The following LY6G6F variants were observed in gnomAD, a reference collection of about 807,000 sequenced individuals.
LY6G6F encodes lymphocyte antigen 6 complex locus protein G6f.
Under a neutral mutation model 33.0 loss-of-function variants are expected in LY6G6F, and 26 were observed. The ratio of observed to expected loss-of-function variants is 0.79; its 90% confidence interval spans 0.58 to 1.09. LY6G6F has a LOEUF of 1.09. Ranked by LOEUF, LY6G6F falls within the 50% of genes least tolerant of loss-of-function variation. The pLI is 0.00. For missense variants in LY6G6F, 317 were observed against 372.0 expected (o/e 0.85, Z 1.22); for synonymous variants, 132 against 148.1 (o/e 0.89, Z 0.79).
intron 3 of LY6G6F, 145 bp from the exon 4 acceptor site, chr6:31,709,881 T>C: frequency 1.2e-6 from 1 of 810,010 alleles, no homozygotes; most frequent in Non-Finnish European, 1.9e-6. Context: ...CAGAGTAGGG[T>C]GGAGGATATT....
rs775215607 is a variant in LY6G6F at position 31,710,013 on chromosome 6, G to T, written c.647-13G>T. The T allele has an allele frequency of 1.2e-6, 2 of 1,609,090 alleles. No homozygotes were observed. The highest frequency in any genetic ancestry group is 1.7e-6 in the Non-Finnish European group (2 of 1,177,732). ...ACCTCCCTCCCATCCCTCTGGTCTG[G>T]CCCTTACTACAGCCTCCATCGATGC... On this transcript the variant is annotated splice_polypyrimidine_tract_variant and intron_variant, in intron 3 of 5. Coordinates refer to ENST00000375832, the MANE Select transcript of LY6G6F (RefSeq NM_001003693.3). This position sits in a 1 kb window ranked among gnomAD's most constrained non-coding sequence, Gnocchi z 4.7.
Position 31,707,769 on chromosome 6 carries a change from G to A in LY6G6F, c.364G>A (p.Asp122Asn), listed in dbSNP as rs1252917878. 5.0e-6 allele frequency: 8 copies of A among 1,612,960 alleles called. No homozygotes were observed. In the Admixed American group the frequency reaches 6.7e-5, roughly 13 times the overall value. Residue 122 changes from aspartate (D) to asparagine (N), a missense_variant, in exon 2 of 6, where the codon GAC (aspartate) becomes AAC (asparagine). Asp to Asn is a conservative substitution (Grantham distance 23, BLOSUM62 1). Transcript: ENST00000375832. The surrounding 1 kb of genome is among the most constrained non-coding windows in gnomAD (Gnocchi z 4.1). ...HHNYQNWRVYDVLVLKGSQLS... is the reference protein window; with the variant it reads ...HHNYQNWRVYNVLVLKGSQLS... ...CAACTACCAGAACTGGAGGGTGTAC[G>A]ACGTCTTGGTGCTCAAAGGTGAGTG...
Position 31,707,130 on chromosome 6 carries a change from G to A in LY6G6F, c.52+172G>A, listed in dbSNP as rs1224291688. 2.0e-5 allele frequency among the ~76,000 whole-genome samples: 3 copies of A among 152,192 alleles called. No individual in the cohort carries two copies. On this transcript the variant is annotated intron_variant, in intron 1 of 5. Transcript: ENST00000375832. The surrounding 1 kb of genome is among the most constrained non-coding windows in gnomAD (Gnocchi z 4.1). ...AAGACCCAGAGGCAACGAGGGTCCA[G>A]GTTATGCAGTTTCCTTTATAAAATA...
At position 31,706,957 on chromosome 6, in the gene LY6G6F, A is replaced by C; in HGVS notation, c.51A>C (p.Ala17=). The change falls in exon 1 of 6, where the codon GCA becomes GCC. Residue 17 remains alanine (A), a splice_region_variant and synonymous_variant. Transcript: ENST00000375832. ...TCCTATGTGGAACTCCCCAGGCTGCAGGTAAGGGGCAAGAGGTACGGGATT... is the reference window on the plus strand; with the variant it reads ...TCCTATGTGGAACTCCCCAGGCTGCCGGTAAGGGGCAAGAGGTACGGGATT... ...LLFLCGTPQA[A]DNMQAIYVAL... 6.2e-7 allele frequency: 1 copy of C among 1,614,036 alleles called. No individual in the cohort carries two copies. The highest frequency in any genetic ancestry group is 8.5e-7 in the Non-Finnish European group (1 of 1,179,958).
intron 3 of LY6G6F, among the ~76,000 whole-genome samples, chr6:31,708,480 T>C (rs1346850500): frequency 1.3e-5 from 2 of 152,154 alleles, no homozygotes; most frequent in Non-Finnish European, 2.9e-5. Flanking sequence ...AGCCATCACA[T>C]CTGGCTATTT....
Position 31,710,656 on chromosome 6 carries a change from T to C in LY6G6F, c.*65T>C. On this transcript the variant is annotated 3_prime_UTR_variant, in exon 6 of 6. Coordinates refer to ENST00000375832, the MANE Select transcript of LY6G6F (RefSeq NM_001003693.3). The surrounding 1 kb of genome is among the most constrained non-coding windows in gnomAD (Gnocchi z 4.7). ...GCTGGCCATCTGGCACCTGGAAGAT[T>C]CCTCGACAACCTTAGCAAGGGGGGC... 1.2e-6 allele frequency: 2 copies of C among 1,604,950 alleles called. No homozygotes were observed. Among genetic ancestry groups the C allele is most frequent in the Non-Finnish European group, 1.7e-6 (2 of 1,172,062 alleles).
rs1269503330 is a variant in LY6G6F at position 31,710,459 on chromosome 6, G to C, written c.869+41G>C. On this transcript the variant is annotated intron_variant, in intron 5 of 5. Coordinates refer to ENST00000375832, the MANE Select transcript of LY6G6F (RefSeq NM_001003693.3). This position sits in a 1 kb window ranked among gnomAD's most constrained non-coding sequence, Gnocchi z 4.7. ...GGAACAGAGGCTTAAATCCTGGAGG[G>C]GACTGGGGATGGAGAGGAAACACGG... is the stretch of plus-strand genomic sequence containing the variant. 1.9e-6 allele frequency: 3 copies of C among 1,613,908 alleles called. No individual in the cohort carries two copies. The highest frequency in any genetic ancestry group is 1.7e-5 in the Admixed American group (1 of 60,016).
intron 3 of LY6G6F, among the ~76,000 whole-genome samples, chr6:31,709,825 C>T (rs1190524235): frequency 6.6e-6 from 1 of 152,222 alleles, no homozygotes; most frequent in African/African-American, 2.4e-5. Flanking sequence ...GCCACTGTGC[C>T]TGGCCGCCAT....
Position 31,710,314 on chromosome 6 carries a change from A to G in LY6G6F, c.803-38A>G. On this transcript the variant is annotated intron_variant, in intron 4 of 5. Coordinates refer to ENST00000375832, the MANE Select transcript of LY6G6F (RefSeq NM_001003693.3). The surrounding 1 kb of genome is among the most constrained non-coding windows in gnomAD (Gnocchi z 4.7). The stretch of plus-strand genomic sequence containing the variant: ...GAACACGGCTCTAAGTTGTCTGCTG[A>G]CTTCTCTTCTGTATCCCTGATGGCT... The G allele has an allele frequency of 6.2e-7, 1 of 1,613,168 alleles. No homozygotes were observed. Among genetic ancestry groups the G allele is most frequent in the Non-Finnish European group, 8.5e-7 (1 of 1,179,970 alleles).
At chr6:31,709,935 C>G in intron 3 of LY6G6F, 91 bp from the exon 4 acceptor site, 1 of 1,337,096 alleles carries the variant, frequency 7.5e-7, no homozygotes, top group Non-Finnish European at 1.0e-6. Context: ...AAGAGCCCAC[C>G]AGACTGTGGA....
At chr6:31,708,204 C>T (rs756126233) in intron 3 of LY6G6F, 70 bp downstream of exon 3, 12 of 1,487,842 alleles carry the variant, frequency 8.1e-6, no homozygotes, top group South Asian at 5.5e-5. Context: ...GAATTACAGG[C>T]GCCCGCCACC....
intron 3 of LY6G6F, among the ~76,000 whole-genome samples, chr6:31,709,200 G>C (rs1219086206): frequency 2.7e-5 from 4 of 149,164 alleles, no homozygotes; most frequent in Middle Eastern, 3.5e-3. Context: ...AGCCTCCTGA[G>C]TAGCTGGACT....
At chr6:31,708,783 G>A (rs1320176879) in intron 3 of LY6G6F, among the ~76,000 whole-genome samples, 2 of 152,052 alleles carry the variant, frequency 1.3e-5, no homozygotes, top group African/African-American at 2.4e-5. Context: ...AAAATTAGCC[G>A]GGTATGGTGG....
rs1437798523 is a variant in LY6G6F at position 31,707,941 on chromosome 6, C to T, written c.453C>T (p.Ser151=). ...TCCTCCTGTGCTCTGTGGTCCCCAG[C>T]AGACGCATGGACTCTGTGACCTGGC... is the stretch of plus-strand genomic sequence containing the variant. ...CNVLLCSVVP[S]RRMDSVTWQE... The change falls in exon 3 of 6, where the codon AGC becomes AGT. Residue 151 remains serine (S), a synonymous_variant. Transcript: ENST00000375832. This position sits in a 1 kb window ranked among gnomAD's most constrained non-coding sequence, Gnocchi z 4.1. 6.2e-7 allele frequency: 1 copy of T among 1,613,238 alleles called. No homozygotes were observed. The highest frequency in any genetic ancestry group is 1.1e-5 in the South Asian group (1 of 91,086).
intron 3 of LY6G6F, 72 bp downstream of exon 3, chr6:31,708,206 C>A: frequency 1.1e-5 from 16 of 1,490,068 alleles, no homozygotes; most frequent in Non-Finnish European, 1.4e-5. Context: ...ATTACAGGCG[C>A]CCGCCACCAT....
chr6:31,710,237 C>T lies in LY6G6F; in HGVS notation c.802+56C>T. 1.2e-6 allele frequency: 2 copies of T among 1,609,366 alleles called. No homozygotes were observed. The highest frequency in any genetic ancestry group is 8.5e-7 in the Non-Finnish European group (1 of 1,177,528). On this transcript the variant is annotated intron_variant, in intron 4 of 5. Coordinates refer to ENST00000375832, the MANE Select transcript of LY6G6F (RefSeq NM_001003693.3). This position sits in a 1 kb window ranked among gnomAD's most constrained non-coding sequence, Gnocchi z 4.7. Reference sequence around the variant, plus strand: ...GGGCACATGGGTGGGAGGCAAAGGGCTAGGCTCACACCCCGCCTCTGTACC... The same window carrying T: ...GGGCACATGGGTGGGAGGCAAAGGGTTAGGCTCACACCCCGCCTCTGTACC...
chr6:31,709,978 G>C, intron 3 of LY6G6F, 48 bp from the exon 4 acceptor site: 1 of 1,572,284 alleles, frequency 6.4e-7, no homozygotes, highest in African/African-American at 1.3e-5. Flanking sequence ...CAGGGACAGG[G>C]CCCCTCACTA....
At position 31,710,293 on chromosome 6, in the gene LY6G6F, A is replaced by G. The variant is rs1805940876; in HGVS notation, c.803-59A>G. The stretch of plus-strand genomic sequence containing the variant: ...TCCTCTAGGGGAGGGGGCGAGGAAC[A>G]CGGCTCTAAGTTGTCTGCTGACTTC... On this transcript the variant is annotated intron_variant, in intron 4 of 5. Transcript: ENST00000375832. The surrounding 1 kb of genome is among the most constrained non-coding windows in gnomAD (Gnocchi z 4.7). 6.2e-7 allele frequency: 1 copy of G among 1,613,068 alleles called. No homozygotes were observed. Among genetic ancestry groups the G allele is most frequent in the Admixed American group, 1.7e-5 (1 of 60,012 alleles).
At chr6:31,708,696 G>A (rs1805798283) in intron 3 of LY6G6F, among the ~76,000 whole-genome samples, 1 of 152,148 alleles carries the variant, frequency 6.6e-6, no homozygotes, top group African/African-American at 2.4e-5. Flanking sequence ...GGAGGCCGAA[G>A]CAGGCGGATC....
Sources: gnomAD v4.1 joint callset for allele counts (sites outside exome capture counted in the v4.1 genomes callset) on GRCh38, gnomAD v4.1.1 for gene constraint, Gnocchi (gnomAD v3.1) non-coding constraint, MANE v1.5 for transcripts, NCBI Gene and HGNC (gene_info 2026-07-23, HGNC 2026-07-21) for gene names.